MSRA: variants seen among roughly 807,000 people sequenced by gnomAD.
MSRA encodes mitochondrial peptide methionine sulfoxide reductase.
Under a neutral mutation model 31.3 loss-of-function variants are expected in MSRA, and 54 were observed. The ratio of observed to expected loss-of-function variants is 1.73; its 90% confidence interval spans 1.39 to 2.17. MSRA has a LOEUF of 2.17. Ranked by LOEUF, MSRA falls within the 30% of genes most tolerant of loss-of-function variation. The probability of loss-of-function intolerance (pLI) is 0.00; values close to 1 mark genes in which losing one functional copy is unlikely to be tolerated. For synonymous variants in MSRA, 169 were observed against 116.5 expected (o/e 1.45, Z -2.90); for missense variants, 507 against 300.9 (o/e 1.69, Z -5.07).
intron 1 of MSRA, among the ~76,000 whole-genome samples, chr8:10,194,952 T>C (rs1807846170): frequency 6.6e-6 from 1 of 152,230 alleles, no homozygotes; most frequent in African/African-American, 2.4e-5. Flanking sequence ...AGTTCAAAAG[T>C]AACAAGAGTT....
chr8:10,224,712 C>G (rs976085776), intron 2 of MSRA, among the ~76,000 whole-genome samples: 1 of 152,182 alleles, frequency 6.6e-6, no homozygotes, highest in Non-Finnish European at 1.5e-5. Flanking sequence ...CAGAGAGAGA[C>G]ACTCCTCGTG....
intron 1 of MSRA, among the ~76,000 whole-genome samples, chr8:10,158,089 G>A (rs565679772): frequency 4.6e-5 from 7 of 152,126 alleles, no homozygotes; most frequent in East Asian, 1.9e-4. Flanking sequence ...ACCTTCTTAC[G>A]GTGTCCTCAC....
chr8:10,183,097 C>T (rs924050350), intron 1 of MSRA, among the ~76,000 whole-genome samples: 2 of 152,174 alleles, frequency 1.3e-5, no homozygotes, highest in African/African-American at 2.4e-5. Flanking sequence ...ATGTTAGGAA[C>T]CCTCATGTTA....
intron 1 of MSRA, among the ~76,000 whole-genome samples, chr8:10,132,157 A>G (rs940401619): frequency 6.6e-6 from 1 of 152,208 alleles, no homozygotes; most frequent in Non-Finnish European, 1.5e-5. Context: ...GTGCTTTTCA[A>G]TGAGGTGATA....
chr8:10,194,506 C>A (rs780381306), intron 1 of MSRA, among the ~76,000 whole-genome samples: 3 of 152,284 alleles, frequency 2.0e-5, no homozygotes, highest in East Asian at 1.9e-4. Flanking sequence ...GCAGAGGTTG[C>A]GGTGAGCCAA....
intron 5 of MSRA, among the ~76,000 whole-genome samples, chr8:10,427,491 C>A (rs1017827562): frequency 6.6e-6 from 1 of 152,164 alleles, no homozygotes; most frequent in Non-Finnish European, 1.5e-5. Context: ...TGCCCTGACT[C>A]CCCAGGCTCC....
At chr8:10,355,144 C>T (rs1032811494) in intron 5 of MSRA, among the ~76,000 whole-genome samples, 1 of 152,242 alleles carries the variant, frequency 6.6e-6, no homozygotes, top group South Asian at 2.1e-4. Context: ...CCTCCTTTAT[C>T]AGCCTACAAC....
chr8:10,105,685 C>A (rs1403296923), intron 1 of MSRA, among the ~76,000 whole-genome samples: 1 of 152,138 alleles, frequency 6.6e-6, no homozygotes. Context: ...CTTTCTCCTT[C>A]CCCTAACCAG....
intron 5 of MSRA, among the ~76,000 whole-genome samples, chr8:10,409,930 C>T (rs775479557): frequency 3.3e-5 from 5 of 152,138 alleles, no homozygotes; most frequent in African/African-American, 9.7e-5. Flanking sequence ...ATGGGTGGCA[C>T]GTGTCTCTAG....
intron 5 of MSRA, among the ~76,000 whole-genome samples, chr8:10,329,130 C>G (rs1437815641): frequency 6.6e-6 from 1 of 152,238 alleles, no homozygotes; most frequent in Non-Finnish European, 1.5e-5. Context: ...TGCCAAATCT[C>G]TGACTTTTTT....
intron 5 of MSRA, among the ~76,000 whole-genome samples, chr8:10,328,108 C>T (rs1007952376): frequency 2.1e-5 from 3 of 140,068 alleles, no homozygotes; most frequent in East Asian, 4.1e-4. Flanking sequence ...CTAGAACTAC[C>T]CTCTGGACTC....
At chr8:10,304,806 C>T (rs1801038335) in intron 4 of MSRA, among the ~76,000 whole-genome samples, 1 of 152,158 alleles carries the variant, frequency 6.6e-6, no homozygotes, top group Non-Finnish European at 1.5e-5. Context: ...TGTTCTTACT[C>T]AGAAAATGGA....
intron 5 of MSRA, 96 bp downstream of exon 5, chr8:10,320,085 T>C: frequency 1.4e-6 from 1 of 714,204 alleles, no homozygotes; most frequent in Non-Finnish European, 2.3e-6. Flanking sequence ...TCAACTGGAA[T>C]TGTGTTTTAT....
At chr8:10,246,203 C>T (rs1797615231) in intron 3 of MSRA, among the ~76,000 whole-genome samples, 1 of 152,120 alleles carries the variant, frequency 6.6e-6, no homozygotes, top group Non-Finnish European at 1.5e-5. Context: ...GTGCTTGCAA[C>T]CAACTATGTG....
intron 1 of MSRA, among the ~76,000 whole-genome samples, chr8:10,191,568 C>G (rs1431508169): frequency 2.0e-5 from 3 of 152,144 alleles, no homozygotes; most frequent in African/African-American, 7.2e-5. Flanking sequence ...CACTCTATTC[C>G]TAGACTTTAG....
chr8:10,096,095 A>T, intron 1 of MSRA: 1 of 1,322,708 alleles, frequency 7.6e-7, no homozygotes, highest in Non-Finnish European at 1.0e-6. Flanking sequence ...ATAGACATTA[A>T]CTTTTCAAGG....
chr8:10,211,692 C>G (rs1327259308), intron 2 of MSRA, among the ~76,000 whole-genome samples: 1 of 152,130 alleles, frequency 6.6e-6, no homozygotes, highest in African/African-American at 2.4e-5. Context: ...ATTAAAGAAA[C>G]ATGGCCGAGG....
At chr8:10,225,646 C>T (rs1810933848) in intron 2 of MSRA, among the ~76,000 whole-genome samples, 1 of 152,182 alleles carries the variant, frequency 6.6e-6, no homozygotes, top group African/African-American at 2.4e-5. Context: ...CTTCTGAAAA[C>T]TTCTTTGGGC....
chr8:10,195,799 A>G (rs1249458672), intron 1 of MSRA, among the ~76,000 whole-genome samples: 4 of 152,236 alleles, frequency 2.6e-5, no homozygotes, highest in African/African-American at 4.8e-5. Flanking sequence ...TTATAATGAC[A>G]CAGTTCATGC....
Sources: allele counts gnomAD v4.1 joint callset (sites outside exome capture counted in the v4.1 genomes callset), GRCh38; gene constraint gnomAD v4.1.1; transcripts MANE v1.5; gene names NCBI Gene and HGNC (gene_info 2026-07-23, HGNC 2026-07-21).